SEC14L1: variants seen among roughly 807,000 people sequenced by gnomAD.
SEC14L1 encodes the protein SEC14 like lipid binding 1, also known as SEC14-like protein 1.
A neutral mutation model predicts 85.3 loss-of-function variants in SEC14L1; 48 were observed. The observed-to-expected ratio is 0.56, with a 90% CI of 0.45 to 0.72. The LOEUF (loss-of-function observed/expected upper bound fraction) is 0.72. SEC14L1 is among the 30% of genes least tolerant of loss of function. The pLI, the probability that SEC14L1 is intolerant of heterozygous loss-of-function variation, is 0.00. For missense variants in SEC14L1, 682 were observed against 921.4 expected (o/e 0.74, Z 3.36); for synonymous variants, 391 against 355.5 (o/e 1.10, Z -1.12).
chr17:77,214,524 T>C lies in SEC14L1; in HGVS notation c.*501T>C. On this transcript the variant is annotated 3_prime_UTR_variant, in exon 17 of 17. Coordinates refer to ENST00000436233, the MANE Select transcript of SEC14L1 (RefSeq NM_001143998.2). ...CCGCCAGTCAAGATGGTCTGTGGAC[T>C]TAGGGCCAGCCCTTGAGGTCCTTAT... 1 of 996,354 alleles carries C rather than the reference T, an allele frequency of 1.0e-6. No homozygotes were observed. The highest frequency in any genetic ancestry group is 1.2e-6 in the Non-Finnish European group (1 of 835,950). The allele number at this position is 996,354 out of a possible 1,614,324, so 61.7% of individuals were successfully genotyped here. A position where few individuals can be genotyped will look rare whatever the true frequency, so the allele number is the denominator to read the frequency against.
intron 3 of SEC14L1, among the ~76,000 whole-genome samples, chr17:77,125,960 T>C (rs900159235): frequency 7.9e-5 from 12 of 152,350 alleles, no homozygotes; most frequent in African/African-American, 2.9e-4. Flanking sequence ...GAGACCATCC[T>C]GGCCAACATG....
intron 3 of SEC14L1, among the ~76,000 whole-genome samples, chr17:77,157,581 G>A (rs909124691): frequency 4.0e-5 from 6 of 151,452 alleles, no homozygotes; most frequent in African/African-American, 1.5e-4. Flanking sequence ...AGGCTGGAGT[G>A]CAGTGGCATG....
chr17:77,209,191 T>C (rs936201539), intron 13 of SEC14L1, 151 bp from the exon 14 acceptor site: 1 of 796,542 alleles, frequency 1.3e-6, no homozygotes, highest in Non-Finnish European at 2.0e-6. Flanking sequence ...TGCTCAGTAG[T>C]GCAGAGTGTT....
Position 77,214,970 on chromosome 17 carries a change from A to C in SEC14L1, c.*947A>C. 24 of 985,390 alleles carry C rather than the reference A, an allele frequency of 2.4e-5. No individual in the cohort carries two copies. The highest frequency in any genetic ancestry group is 2.8e-5 in the Non-Finnish European group (23 of 829,958). The allele number at this position is 985,390 out of a possible 1,614,324, so 61.0% of individuals were successfully genotyped here. On this transcript the variant is annotated 3_prime_UTR_variant, in exon 17 of 17. Coordinates refer to ENST00000436233, the MANE Select transcript of SEC14L1 (RefSeq NM_001143998.2). Reference sequence around the variant, plus strand: ...TTGACACTGTCCATGGGGTTTTATTAGTAGCTAAGCAGCAGCTCTCGCATC... The same window carrying C: ...TTGACACTGTCCATGGGGTTTTATTCGTAGCTAAGCAGCAGCTCTCGCATC...
upstream of SEC14L1, among the ~76,000 whole-genome samples, chr17:77,140,228 C>T (rs1025956764): frequency 3.9e-5 from 6 of 152,220 alleles, no homozygotes; most frequent in African/African-American, 9.6e-5. Flanking sequence ...ACTTAGCAGC[C>T]CCACCTTGGC....
At chr17:77,103,271 C>T (rs1971820707) in intron 3 of SEC14L1, among the ~76,000 whole-genome samples, 1 of 151,822 alleles carries the variant, frequency 6.6e-6, no homozygotes, top group Non-Finnish European at 1.5e-5. Context: ...TGTGACCATG[C>T]CTGGCTAATT....
At chr17:77,179,653 C>T (rs1974921882) in intron 3 of SEC14L1, among the ~76,000 whole-genome samples, 2 of 151,972 alleles carry the variant, frequency 1.3e-5, no homozygotes, top group Admixed American at 1.3e-4. Flanking sequence ...TCAGAAATGT[C>T]TTGGATTATG....
intron 3 of SEC14L1, chr17:77,094,007 G>A (rs565849937): frequency 2.6e-5 from 4 of 152,374 alleles, no homozygotes; most frequent in Non-Finnish European, 4.4e-5. Context: ...TAGCTATGTT[G>A]TTGTCACCTT....
intron 3 of SEC14L1, chr17:77,185,148 C>G: frequency 1.1e-6 from 1 of 897,366 alleles, no homozygotes; most frequent in Non-Finnish European, 1.3e-6. Flanking sequence ...TGGACAAGGA[C>G]TTTGTTTTAG....
At chr17:77,201,225 C>G (rs1976123470) in intron 9 of SEC14L1, among the ~76,000 whole-genome samples, 1 of 152,052 alleles carries the variant, frequency 6.6e-6, no homozygotes, top group African/African-American at 2.4e-5. Context: ...CATACCCTGC[C>G]TTGCAGGAAG....
In SEC14L1 at chr17:77,214,147, C is replaced by G; in HGVS notation, c.*124C>G. 2.7e-6 allele frequency: 4 copies of G among 1,458,404 alleles called. No individual in the cohort carries two copies. The highest frequency in any genetic ancestry group is 2.7e-6 in the Non-Finnish European group (3 of 1,108,048). The allele number at this position is 1,458,404 out of a possible 1,614,324, so 90.3% of individuals were successfully genotyped here. A position where few individuals can be genotyped will look rare whatever the true frequency, so the allele number is the denominator to read the frequency against. On this transcript the variant is annotated 3_prime_UTR_variant, in exon 17 of 17. Coordinates refer to ENST00000436233, the MANE Select transcript of SEC14L1 (RefSeq NM_001143998.2). The stretch of plus-strand genomic sequence containing the variant: ...TCTCACCTCTAGATAGCAAATAGCT[C>G]TCAGATGGTAAACGTAGTCGTTTGA...
chr17:77,216,454 G>T lies in SEC14L1; in HGVS notation c.*2431G>T. The T allele has an allele frequency of 1.2e-6, 2 of 1,604,318 alleles. No homozygotes were observed. Among genetic ancestry groups the T allele is most frequent in the East Asian group, 2.2e-5 (1 of 44,680 alleles). ...AGGGTTCGTAGGTAGGGTTAGTAGC[G>T]CGTCTGTGCTGCTTCCACCTGGTGC... is the stretch of plus-strand genomic sequence containing the variant. On this transcript the variant is annotated 3_prime_UTR_variant, in exon 17 of 17. Transcript: ENST00000436233.
At chr17:77,115,690 G>GTT (rs1972155091) in intron 3 of SEC14L1, among the ~76,000 whole-genome samples, 1 of 152,092 alleles carries the variant, frequency 6.6e-6, no homozygotes, top group Non-Finnish European at 1.5e-5. Flanking sequence ...TGCAACCAAA[G>GTT]GAGCATGTTC....
chr17:77,167,146 CTTT>C lies in SEC14L1; in HGVS notation c.63+23504_63+23506del, dbSNP rs72037954. On this transcript the variant is annotated intron_variant, in intron 3 of 16. Coordinates refer to ENST00000436233, the MANE Select transcript of SEC14L1 (RefSeq NM_001143998.2). The stretch of plus-strand genomic sequence containing the variant: ...GTCTTTCTGTTTTCTTTTCTTTTTC[CTTT>C]TTTTTTTTTTTTTTTTGAGACAGTT... 6.3e-3 allele frequency among the ~76,000 whole-genome samples: 849 copies of C among 134,556 alleles called. 10 individuals carry two copies. The highest frequency in any genetic ancestry group is 0.022 in the African/African-American group (810 of 36,204). The allele number at this position is 134,556 out of a possible 152,430, so 88.3% of individuals were successfully genotyped here.
In SEC14L1 at chr17:77,200,474, C is replaced by T; in HGVS notation, c.820-10C>T. 1.9e-6 allele frequency: 3 copies of T among 1,609,452 alleles called. No individual in the cohort carries two copies. The highest frequency in any genetic ancestry group is 2.2e-5 in the East Asian group (1 of 44,834). On this transcript the variant is annotated splice_polypyrimidine_tract_variant and intron_variant, in intron 8 of 16. Coordinates refer to ENST00000436233, the MANE Select transcript of SEC14L1 (RefSeq NM_001143998.2). Reference sequence around the variant, plus strand: ...TAACATTGCTTAGAAATGTCTTTTTCTCTTAATAGATTCCAAAAGATGAGC... The same window carrying T: ...TAACATTGCTTAGAAATGTCTTTTTTTCTTAATAGATTCCAAAAGATGAGC...
chr17:77,095,816 CA>C (rs11319971), intron 3 of SEC14L1, among the ~76,000 whole-genome samples: 89,975 of 149,104 alleles, frequency 0.6, 27,470 homozygotes, highest in African/African-American at 0.74. Context: ...GACTTTGTCT[CA>C]AAAAAAAAAA....
intron 3 of SEC14L1, among the ~76,000 whole-genome samples, chr17:77,150,751 C>T (rs1973518383): frequency 1.3e-5 from 2 of 152,184 alleles, no homozygotes; most frequent in Admixed American, 1.3e-4. Context: ...TCCTGCTTTG[C>T]CCTTTCTCCA....
chr17:77,155,148 G>A (rs545480131), intron 3 of SEC14L1, among the ~76,000 whole-genome samples: 362 of 152,236 alleles, frequency 2.4e-3, no homozygotes, highest in Non-Finnish European at 4.4e-3. Context: ...ATAAACTAAA[G>A]ATCTCAAAGC....
At chr17:77,128,460 G>GT (rs777310932) in intron 3 of SEC14L1, among the ~76,000 whole-genome samples, 2,058 of 104,574 alleles carry the variant, frequency 0.02, 45 homozygotes, top group Non-Finnish European at 0.027. Flanking sequence ...ATTTTATTAT[G>GT]TTTTTTTTTT....
Sources: allele counts gnomAD v4.1 joint callset (sites outside exome capture counted in the v4.1 genomes callset), GRCh38; gene constraint gnomAD v4.1.1; transcripts MANE v1.5; gene names NCBI Gene and HGNC (gene_info 2026-07-23, HGNC 2026-07-21).